Variants in CCDC60 observed in about 807,000 individuals in gnomAD.
The protein encoded by CCDC60 is coiled-coil domain containing 60.
Under a neutral mutation model 63.5 loss-of-function variants are expected in CCDC60, and 54 were observed. That is an observed-to-expected ratio of 0.85 (90% CI 0.68 to 1.07). The LOEUF (loss-of-function observed/expected upper bound fraction) is 1.07, where lower values mean the gene tolerates loss of function less well. Ranked by LOEUF, CCDC60 falls within the 50% of genes least tolerant of loss-of-function variation. The probability of loss-of-function intolerance (pLI) is 0.00; values close to 1 mark genes in which losing one functional copy is unlikely to be tolerated. For missense variants in CCDC60, 651 were observed against 684.3 expected, an observed-to-expected ratio of 0.95 and a Z score of 0.54; for synonymous variants, 206 against 238.8, an observed-to-expected ratio of 0.86 and a Z score of 1.27.
chr12:119,406,157 G>A (rs762676207), intron 1 of CCDC60, among the ~76,000 whole-genome samples: 48 of 150,880 alleles, frequency 3.2e-4, no homozygotes, highest in Non-Finnish European at 6.3e-4. Context: ...GGCAACAAGA[G>A]GGAAACTCTG....
intron 1 of CCDC60, among the ~76,000 whole-genome samples, chr12:119,389,693 C>T (rs1956122967): frequency 6.6e-6 from 1 of 152,074 alleles, no homozygotes. Flanking sequence ...CATGGTAAGT[C>T]TGAGCCCCTG....
At chr12:119,443,972 C>T (rs1950493295) in intron 2 of CCDC60, among the ~76,000 whole-genome samples, 2 of 152,218 alleles carry the variant, frequency 1.3e-5, no homozygotes. Flanking sequence ...CACACATACA[C>T]ACACACATAC....
intron 1 of CCDC60, among the ~76,000 whole-genome samples, chr12:119,338,481 A>AG (rs1181134855): frequency 6.6e-6 from 1 of 152,194 alleles, no homozygotes; most frequent in Non-Finnish European, 1.5e-5. Context: ...AGGCTCAGAG[A>AG]GGACAGGTCC....
chr12:119,345,354 TA>T (rs1417450587), intron 1 of CCDC60, among the ~76,000 whole-genome samples: 2 of 151,872 alleles, frequency 1.3e-5, no homozygotes, highest in Non-Finnish European at 2.9e-5. Flanking sequence ...ATACCAAAAT[TA>T]GCCAGGTGTG....
chr12:119,361,210 G>A (rs1214038130), intron 1 of CCDC60, among the ~76,000 whole-genome samples: 2 of 151,000 alleles, frequency 1.3e-5, no homozygotes, highest in Admixed American at 6.6e-5. Context: ...AGAGGGAGAG[G>A]GAGAGGGAGA....
intron 11 of CCDC60, among the ~76,000 whole-genome samples, chr12:119,524,091 A>T (rs1165241068): frequency 6.6e-6 from 1 of 152,208 alleles, no homozygotes; most frequent in African/African-American, 2.4e-5. Context: ...TAGATGGGGA[A>T]ATCTGGGAAG....
At chr12:119,415,140 T>C (rs530659167) in intron 1 of CCDC60, among the ~76,000 whole-genome samples, 1 of 152,304 alleles carries the variant, frequency 6.6e-6, no homozygotes, top group African/African-American at 2.4e-5. Context: ...TCCATTCACT[T>C]AGACTAAAAT....
At chr12:119,360,686 G>C (rs1955777375) in intron 1 of CCDC60, among the ~76,000 whole-genome samples, 1 of 151,874 alleles carries the variant, frequency 6.6e-6, no homozygotes, top group African/African-American at 2.4e-5. Context: ...TCACTTCCTA[G>C]ATGTGATGGC....
chr12:119,345,650 C>G (rs560048030), intron 1 of CCDC60, among the ~76,000 whole-genome samples: 20 of 152,260 alleles, frequency 1.3e-4, no homozygotes, highest in Non-Finnish European at 1.6e-4. Flanking sequence ...CCTCTCAAGA[C>G]CTCCCCTCAA....
chr12:119,500,194 C>G (rs771836946), intron 6 of CCDC60, 26 bp downstream of exon 6: 8 of 1,473,468 alleles, frequency 5.4e-6, no homozygotes, highest in Non-Finnish European at 6.6e-6. Context: ...CGACTCAACC[C>G]TTTGGCTCCT....
rs1040786233 is a variant in CCDC60 at position 119,410,919 on chromosome 12, T to A, written c.91-17764T>A. 2.9e-5 allele frequency among the ~76,000 whole-genome samples: 1 copy of A among 34,474 alleles called. No homozygotes were observed. Among genetic ancestry groups the A allele is most frequent in the Non-Finnish European group, 7.1e-5 (1 of 14,060 alleles). The allele number at this position is 34,474 out of a possible 152,430, so 22.6% of individuals were successfully genotyped here. ...CACTACACTCAGCTAATTTTTGTAT[T>A]TTTTTTTAGTAGAGACAGGGTTTTG... is the stretch of plus-strand genomic sequence containing the variant. On this transcript the variant is annotated intron_variant, in intron 1 of 13. Transcript: ENST00000327554. The surrounding 1 kb of genome is among the most constrained non-coding windows in gnomAD (Gnocchi z 4.0).
chr12:119,359,497 A>G lies in CCDC60; in HGVS notation c.90+24231A>G, dbSNP rs1955750810. ...TATTGAGAATATTGAGTACTTATACATATATTTTTAAATATATAGATAGAT... is the reference window on the plus strand; with the variant it reads ...TATTGAGAATATTGAGTACTTATACGTATATTTTTAAATATATAGATAGAT... On this transcript the variant is annotated intron_variant, in intron 1 of 13. Transcript: ENST00000327554. Among the ~76,000 whole-genome samples the G allele has an allele frequency of 4.0e-5, 6 of 151,598 alleles. No individual in the cohort carries two copies. In the South Asian group the frequency reaches 1.0e-3, roughly 26 times the overall value.
intron 11 of CCDC60, chr12:119,524,536 C>A: frequency 1.4e-6 from 1 of 736,272 alleles, no homozygotes; most frequent in Non-Finnish European, 1.7e-6. Context: ...CTAATCCTTG[C>A]CCTTTCCTTC....
chr12:119,472,665 C>T (rs1237885102), intron 3 of CCDC60, among the ~76,000 whole-genome samples: 10 of 147,198 alleles, frequency 6.8e-5, no homozygotes, highest in African/African-American at 2.5e-4. Flanking sequence ...ACTGCAACCT[C>T]TGCCTCCCAG....
At chr12:119,474,224 T>C (rs1274758398) in intron 3 of CCDC60, among the ~76,000 whole-genome samples, 1 of 152,188 alleles carries the variant, frequency 6.6e-6, no homozygotes, top group African/African-American at 2.4e-5. Flanking sequence ...TTTTTTAAGT[T>C]CCCCTAAGCG....
chr12:119,524,309 G>C (rs765229143), intron 11 of CCDC60: 2 of 230,626 alleles, frequency 8.7e-6, no homozygotes, highest in Non-Finnish European at 1.4e-5. Flanking sequence ...GTTATGATGC[G>C]GGATTTGATC....
intron 1 of CCDC60, among the ~76,000 whole-genome samples, chr12:119,419,884 T>G (rs1238573875): frequency 1.5e-5 from 2 of 134,534 alleles, no homozygotes; most frequent in African/African-American, 5.7e-5. Flanking sequence ...TTTTTTTTTT[T>G]TTTTTTTTGG....
chr12:119,422,611 C>G (rs2136221878), intron 1 of CCDC60, among the ~76,000 whole-genome samples: 1 of 152,270 alleles, frequency 6.6e-6, no homozygotes, highest in African/African-American at 2.4e-5. Flanking sequence ...ATTGAAAGGA[C>G]AGCACCAAGG....
At chr12:119,356,734 A>C (rs1311311903) in intron 1 of CCDC60, among the ~76,000 whole-genome samples, 1 of 152,226 alleles carries the variant, frequency 6.6e-6, no homozygotes, top group African/African-American at 2.4e-5. Flanking sequence ...GTTTCACTTC[A>C]GGTTTGCAAC....
Sources: gnomAD v4.1 joint callset for allele counts (sites outside exome capture counted in the v4.1 genomes callset) on GRCh38, gnomAD v4.1.1 for gene constraint, Gnocchi (gnomAD v3.1) non-coding constraint, MANE v1.5 for transcripts, NCBI Gene and HGNC (gene_info 2026-07-23, HGNC 2026-07-21) for gene names.